Variants in SARDH observed in about 807,000 individuals in gnomAD.
SARDH encodes sarcosine dehydrogenase, also known as sarcosine dehydrogenase, mitochondrial.
In SARDH, 95 loss-of-function variants were observed where a neutral mutation model predicts 109.1. The ratio of observed to expected loss-of-function variants is 0.87; its 90% CI spans 0.74 to 1.03. The LOEUF (loss-of-function observed/expected upper bound fraction) is 1.03, where lower values mean the gene tolerates loss of function less well. Among genes scored for constraint, SARDH ranks in the 50% least tolerant of loss-of-function variants. The pLI is 0.00. For missense variants in SARDH, 1,267 were observed against 1,287.8 expected, an observed-to-expected ratio of 0.98 and a Z score of 0.25; for synonymous variants, 572 against 534.8, an observed-to-expected ratio of 1.07 and a Z score of -0.96.
At chr9:133,732,327 C>G in intron 3 of SARDH, 96 bp downstream of exon 3, 2 of 750,550 alleles carry the variant, frequency 2.7e-6, no homozygotes, top group Non-Finnish European at 3.9e-6. Flanking sequence ...GCCCACCCTA[C>G]CCCCCCACAG....
Position 133,666,695 on chromosome 9 carries a change from A to G in SARDH, c.2631+40T>C. ...GGAGCTGGTTTGGAGCTGGTGAGGGATCGGCATCTGCCTTAGCAGGGCCAG... is the reference window on the plus strand; with the variant it reads ...GGAGCTGGTTTGGAGCTGGTGAGGGGTCGGCATCTGCCTTAGCAGGGCCAG... On this transcript the variant is annotated intron_variant, in intron 20 of 20. Transcript: ENST00000439388. The surrounding 1 kb of genome is among the most constrained non-coding windows in gnomAD (Gnocchi z 5.2). 6.4e-7 allele frequency: 1 copy of G among 1,561,082 alleles called. No homozygotes were observed. Among genetic ancestry groups the G allele is most frequent in the South Asian group, 1.2e-5 (1 of 84,764 alleles).
At chr9:133,659,962 CTG>C (rs750840909), downstream of SARDH, among the ~76,000 whole-genome samples, 6 of 152,248 alleles carry the variant, frequency 3.9e-5, no homozygotes, top group East Asian at 3.9e-4. Context: ...GGCAGGGAAA[CTG>C]AGACTCCCAG....
intron 2 of SARDH, among the ~76,000 whole-genome samples, chr9:133,733,403 T>C (rs754354080): frequency 1.3e-5 from 2 of 152,164 alleles, no homozygotes; most frequent in African/African-American, 2.4e-5. Context: ...AGGTGCTTAA[T>C]ATATGCCCCC....
chr9:133,704,543 G>A lies in SARDH; in HGVS notation c.1554+405C>T, dbSNP rs562591459. Among the ~76,000 whole-genome samples, 16 of 152,246 alleles carry A rather than the reference G, an allele frequency of 1.1e-4. No individual in the cohort carries two copies. The highest frequency in any genetic ancestry group is 1.0e-3 in the South Asian group (5 of 4,826). ...ACCTGCCCAGTGCCTGCCCTCCTAC[G>A]GACATAAACCAACAGTCGGAGTGGC... On this transcript the variant is annotated intron_variant, in intron 12 of 20. Coordinates refer to ENST00000439388, the MANE Select transcript of SARDH (RefSeq NM_001134707.2). This position sits in a 1 kb window ranked among gnomAD's most constrained non-coding sequence, Gnocchi z 4.5.
At chr9:133,676,210 G>A (rs560075362) in intron 17 of SARDH, among the ~76,000 whole-genome samples, 43 of 152,194 alleles carry the variant, frequency 2.8e-4, no homozygotes, top group Admixed American at 6.5e-5. Flanking sequence ...ATAACACAAC[G>A]CGGACAAAAA....
intron 10 of SARDH, 85 bp from the exon 11 acceptor site, chr9:133,708,513 C>T: frequency 6.7e-7 from 1 of 1,483,028 alleles, no homozygotes; most frequent in Middle Eastern, 1.8e-4. Context: ...AAGCCTGGAC[C>T]CCGGTCCCCT....
chr9:133,722,842 A>C (rs530375170), intron 6 of SARDH, among the ~76,000 whole-genome samples: 141 of 152,226 alleles, frequency 9.3e-4, no homozygotes, highest in Admixed American at 2.0e-3. Context: ...TGTTTTTAGT[A>C]GAGACAGGGT....
rs746797975 is a variant in SARDH at position 133,666,914 on chromosome 9, G to A, written c.2496-44C>T. ...AAAGCTGGGGCCCCAGAAACCGCAG[G>A]GTGGGGACGCGTCCACAGCGGCCTG... On this transcript the variant is annotated intron_variant, in intron 19 of 20. Coordinates refer to ENST00000439388, the MANE Select transcript of SARDH (RefSeq NM_001134707.2). This position sits in a 1 kb window ranked among gnomAD's most constrained non-coding sequence, Gnocchi z 5.2. The A allele has an allele frequency of 1.2e-6, 2 of 1,609,470 alleles. No individual in the cohort carries two copies. Among genetic ancestry groups the A allele is most frequent in the East Asian group, 4.5e-5 (2 of 44,806 alleles).
chr9:133,662,270 A>C (rs1372059153), downstream of SARDH, among the ~76,000 whole-genome samples: 1 of 152,110 alleles, frequency 6.6e-6, no homozygotes, highest in Non-Finnish European at 1.5e-5. This position sits in a 1 kb window ranked among gnomAD's most constrained non-coding sequence, Gnocchi z 5.1. Flanking sequence ...TTTGGAGCGG[A>C]ACCCGGGCTC....
At chr9:133,662,153 G>A (rs1215491189), downstream of SARDH, among the ~76,000 whole-genome samples, 4 of 152,084 alleles carry the variant, frequency 2.6e-5, no homozygotes, top group African/African-American at 7.2e-5. The surrounding 1 kb of genome is among the most constrained non-coding windows in gnomAD (Gnocchi z 5.1). Context: ...GACAGGGAGG[G>A]GTGCTGGGTT....
upstream of SARDH, among the ~76,000 whole-genome samples, chr9:133,739,539 G>A (rs535109046): frequency 6.6e-6 from 1 of 152,332 alleles, no homozygotes; most frequent in East Asian, 1.9e-4. Flanking sequence ...TTCCAGCAGG[G>A]AATCCAGGAG....
In SARDH at chr9:133,698,997, CATTACAGATCTG is replaced by C. The variant is rs1228916696; in HGVS notation, c.1669-2648_1669-2637del. The stretch of plus-strand genomic sequence containing the variant: ...CCACAGGATGGGGAGAGTGTGTGCA[CATTACAGATCTG>C]ATAAGAGACTTGTAACTAAACTATA... On this transcript the variant is annotated intron_variant, in intron 13 of 20. Coordinates refer to ENST00000439388, the MANE Select transcript of SARDH (RefSeq NM_001134707.2). 3.3e-5 allele frequency among the ~76,000 whole-genome samples: 5 copies of C among 152,220 alleles called. No individual in the cohort carries two copies. In the East Asian group the frequency reaches 9.6e-4, roughly 29 times the overall value.
At chr9:133,736,375 T>TTTG (rs746043476) in intron 1 of SARDH, among the ~76,000 whole-genome samples, 2,422 of 144,858 alleles carry the variant, frequency 0.017, 76 homozygotes, top group African/African-American at 0.059. Flanking sequence ...TAAATTCTGT[T>TTTG]TTGTTGTTGT....
intron 2 of SARDH, among the ~76,000 whole-genome samples, chr9:133,732,996 C>T (rs2131511973): frequency 6.6e-6 from 1 of 152,292 alleles, no homozygotes; most frequent in South Asian, 2.1e-4. Flanking sequence ...GACACCAACC[C>T]ACTACTGAAT....
intron 6 of SARDH, among the ~76,000 whole-genome samples, chr9:133,720,064 C>T (rs1189144144): frequency 6.6e-6 from 1 of 151,350 alleles, no homozygotes; most frequent in Non-Finnish European, 1.5e-5. Context: ...GAGCCGAGAT[C>T]GTGCCACTGC....
upstream of SARDH, among the ~76,000 whole-genome samples, chr9:133,738,532 C>T (rs542127587): frequency 6.6e-6 from 1 of 152,318 alleles, no homozygotes; most frequent in Non-Finnish European, 1.5e-5. Context: ...GCCCCATTAC[C>T]CGTAGGCGAC....
At position 133,718,134 on chromosome 9, in the gene SARDH, C is replaced by T. The variant is rs537048941; in HGVS notation, c.1021-679G>A. ...TCACCCAGGCTGGAGTAAAGTGGTG[C>T]GATCTCGGCTCACTGCCACCTCCAT... is the stretch of plus-strand genomic sequence containing the variant. On this transcript the variant is annotated intron_variant, in intron 7 of 20. Transcript: ENST00000439388. The surrounding 1 kb of genome is among the most constrained non-coding windows in gnomAD (Gnocchi z 4.2). 5.3e-5 allele frequency among the ~76,000 whole-genome samples: 8 copies of T among 152,284 alleles called. No homozygotes were observed. In the South Asian group the frequency reaches 6.2e-4, roughly 12 times the overall value.
chr9:133,698,022 GA>G (rs1400522371), intron 13 of SARDH, among the ~76,000 whole-genome samples: 1 of 129,746 alleles, frequency 7.7e-6, no homozygotes, highest in Non-Finnish European at 1.6e-5. Context: ...AAAAAAAAAA[GA>G]AAAAAAAGAA....
In SARDH at chr9:133,704,272, G is replaced by A. The variant is rs1831604392; in HGVS notation, c.1554+676C>T. On this transcript the variant is annotated intron_variant, in intron 12 of 20. Transcript: ENST00000439388. This position sits in a 1 kb window ranked among gnomAD's most constrained non-coding sequence, Gnocchi z 4.5. ...GGATGGAAGGTGGGTGCACCAGAGGGGACTGGTGAGACGCAGCCCCGGGAA... is the reference window on the plus strand; with the variant it reads ...GGATGGAAGGTGGGTGCACCAGAGGAGACTGGTGAGACGCAGCCCCGGGAA... Among the ~76,000 whole-genome samples the A allele has an allele frequency of 6.6e-6, 1 of 152,174 alleles. No individual in the cohort carries two copies. The highest frequency in any genetic ancestry group is 1.5e-5 in the Non-Finnish European group (1 of 68,022).
Sources: allele counts gnomAD v4.1 joint callset (sites outside exome capture counted in the v4.1 genomes callset), GRCh38; gene constraint gnomAD v4.1.1; non-coding constraint Gnocchi (gnomAD v3.1); transcripts MANE v1.5; gene names NCBI Gene and HGNC (gene_info 2026-07-23, HGNC 2026-07-21).